Variants in SH3RF3 observed in about 807,000 individuals in gnomAD.
The protein encoded by SH3RF3 is E3 ubiquitin-protein ligase SH3RF3.
In SH3RF3, 29 loss-of-function variants were observed where a neutral mutation model predicts 66.3. That is an observed-to-expected ratio of 0.44 (90% CI 0.33 to 0.60). SH3RF3 has a LOEUF of 0.60. SH3RF3 is among the 20% of genes least tolerant of loss of function. The pLI is 0.04. For missense variants in SH3RF3, 1,194 were observed against 1,190.9 expected, an observed-to-expected ratio of 1.00 and a Z score of -0.04; for synonymous variants, 583 against 532.0, an observed-to-expected ratio of 1.10 and a Z score of -1.32.
intron 1 of SH3RF3, among the ~76,000 whole-genome samples, chr2:109,288,616 T>G (rs985537528): frequency 6.6e-6 from 1 of 152,216 alleles, no homozygotes; most frequent in Non-Finnish European, 1.5e-5. Flanking sequence ...ACTGGGATTT[T>G]TGCAAGGCAA....
intron 1 of SH3RF3, among the ~76,000 whole-genome samples, chr2:109,320,139 G>A (rs182230313): frequency 3.2e-4 from 49 of 152,274 alleles, no homozygotes; most frequent in Admixed American, 6.5e-4. Flanking sequence ...GCCTGTAGAA[G>A]CAACACAACT....
intron 1 of SH3RF3, among the ~76,000 whole-genome samples, chr2:109,176,271 G>A (rs1342624333): frequency 2.0e-5 from 3 of 152,176 alleles, no homozygotes; most frequent in Non-Finnish European, 2.9e-5. Flanking sequence ...AATAGAAAAG[G>A]GTACAGAGGA....
chr2:109,359,161 A>C (rs1276516765), intron 2 of SH3RF3, among the ~76,000 whole-genome samples: 1 of 152,206 alleles, frequency 6.6e-6, no homozygotes, highest in African/African-American at 2.4e-5. Flanking sequence ...TGCCAATGAC[A>C]GACTGTCTTC....
At chr2:109,170,428 C>T (rs1677750916) in intron 1 of SH3RF3, among the ~76,000 whole-genome samples, 1 of 152,178 alleles carries the variant, frequency 6.6e-6, no homozygotes, top group African/African-American at 2.4e-5. Context: ...TCACTGCAAC[C>T]TCCGCCTCCC....
At chr2:109,457,999 C>T (rs947018255) in intron 8 of SH3RF3, among the ~76,000 whole-genome samples, 2 of 152,114 alleles carry the variant, frequency 1.3e-5, no homozygotes, top group African/African-American at 4.8e-5. Flanking sequence ...GTGCTGGGTT[C>T]GGCATTCTAT....
At chr2:109,272,229 A>G (rs1391440962) in intron 1 of SH3RF3, among the ~76,000 whole-genome samples, 1 of 152,148 alleles carries the variant, frequency 6.6e-6, no homozygotes, top group Non-Finnish European at 1.5e-5. Context: ...TTTCCTAGTA[A>G]GCTGCTTCTT....
At chr2:109,389,258 C>G (rs1675914649) in intron 3 of SH3RF3, among the ~76,000 whole-genome samples, 1 of 152,136 alleles carries the variant, frequency 6.6e-6, no homozygotes, top group African/African-American at 2.4e-5. Context: ...AAGCGTGGGC[C>G]AGGCCCCGCT....
chr2:109,174,321 T>C (rs1558940467), intron 1 of SH3RF3, among the ~76,000 whole-genome samples: 1 of 152,230 alleles, frequency 6.6e-6, no homozygotes, highest in Admixed American at 6.5e-5. Flanking sequence ...AACAGACATG[T>C]GGGGATGCTT....
intron 1 of SH3RF3, among the ~76,000 whole-genome samples, chr2:109,165,528 C>T (rs542804473): frequency 2.0e-5 from 3 of 152,350 alleles, no homozygotes; most frequent in South Asian, 4.1e-4. Flanking sequence ...GACCCAGCTA[C>T]ACTTGCTCAC....
rs1678309541 is a variant in SH3RF3 at position 109,465,178 on chromosome 2, A to G, written c.2148+15689A>G. Among the ~76,000 whole-genome samples, 3 of 152,238 alleles carry G rather than the reference A, an allele frequency of 2.0e-5. No individual in the cohort carries two copies. The East Asian group carries it at 5.8e-4, about 29-fold the overall frequency. On this transcript the variant is annotated intron_variant, in intron 8 of 9. Coordinates refer to ENST00000309415, the MANE Select transcript of SH3RF3 (RefSeq NM_001099289.3). ...TCAGTTCTTTTTAGCACTGAATAAT[A>G]TTCCATTGTCCAGATGTACCACAGT...
chr2:109,433,725 G>A (rs1469144685), intron 6 of SH3RF3, among the ~76,000 whole-genome samples: 1 of 152,214 alleles, frequency 6.6e-6, no homozygotes, highest in Non-Finnish European at 1.5e-5. Context: ...GGCCTCTCTC[G>A]AGGTGCCCAG....
chr2:109,356,175 A>G (rs1393629628), intron 2 of SH3RF3, among the ~76,000 whole-genome samples: 1 of 152,142 alleles, frequency 6.6e-6, no homozygotes, highest in Non-Finnish European at 1.5e-5. Flanking sequence ...TTTTAGGTAC[A>G]GGGAGTGGCT....
At chr2:109,135,202 C>T (rs1312693307) in intron 1 of SH3RF3, among the ~76,000 whole-genome samples, 1 of 152,216 alleles carries the variant, frequency 6.6e-6, no homozygotes, top group African/African-American at 2.4e-5. Flanking sequence ...GCCCCAACCC[C>T]ATGTTTCTTG....
chr2:109,292,874 A>C (rs1681220667), intron 1 of SH3RF3, among the ~76,000 whole-genome samples: 1 of 152,172 alleles, frequency 6.6e-6, no homozygotes, highest in Admixed American at 6.5e-5. Flanking sequence ...TTGGGATTAC[A>C]GGTGTGCACC....
chr2:109,135,464 G>A (rs1484016681), intron 1 of SH3RF3, among the ~76,000 whole-genome samples: 1 of 152,214 alleles, frequency 6.6e-6, no homozygotes, highest in Non-Finnish European at 1.5e-5. Context: ...CTGCTTCTTA[G>A]ATAAATAGGA....
chr2:109,419,474 CT>C, intron 4 of SH3RF3, 64 bp from the exon 5 acceptor site: 2 of 1,503,600 alleles, frequency 1.3e-6, no homozygotes. Context: ...CCTCATTTTG[CT>C]TTTCTCTTTC....
intron 8 of SH3RF3, among the ~76,000 whole-genome samples, chr2:109,461,252 A>G (rs560841017): frequency 2.6e-5 from 4 of 152,364 alleles, no homozygotes; most frequent in East Asian, 1.9e-4. Flanking sequence ...CTCTAGTTGC[A>G]TGGTAATTGG....
At chr2:109,413,311 A>G (rs948229022) in intron 4 of SH3RF3, among the ~76,000 whole-genome samples, 6 of 152,116 alleles carry the variant, frequency 3.9e-5, no homozygotes, top group Non-Finnish European at 8.8e-5. Context: ...ACAGGGTTTC[A>G]CCATGTTGGC....
intron 9 of SH3RF3, among the ~76,000 whole-genome samples, chr2:109,494,837 C>G (rs920741194): frequency 6.6e-6 from 1 of 152,162 alleles, no homozygotes; most frequent in African/African-American, 2.4e-5. Flanking sequence ...CCATCTCTTT[C>G]AAGACTCTGG....
Sources: allele counts gnomAD v4.1 joint callset (sites outside exome capture counted in the v4.1 genomes callset), GRCh38; gene constraint gnomAD v4.1.1; transcripts MANE v1.5; gene names NCBI Gene and HGNC (gene_info 2026-07-23, HGNC 2026-07-21).